The following DAGLB variants were observed in gnomAD, a reference collection of about 807,000 sequenced individuals.
DAGLB encodes diacylglycerol lipase beta.
DAGLB carries 66 observed loss-of-function variants against 72.1 expected under a neutral mutation model. That is an observed-to-expected ratio of 0.92 (90% CI 0.75 to 1.12). DAGLB has a LOEUF of 1.12. Ranked by LOEUF, DAGLB falls within the 50% of genes most tolerant of loss-of-function variation. The pLI is 0.00. For synonymous variants in DAGLB, 414 were observed against 359.5 expected (o/e 1.15, Z -1.71); for missense variants, 1,065 against 884.9 (o/e 1.20, Z -2.58).
intron 6 of DAGLB, among the ~76,000 whole-genome samples, 195 bp downstream of exon 6, chr7:6,430,285 A>ATATATATATATATATATATATATATGT: frequency 1.0e-5 from 1 of 98,422 alleles, no homozygotes; most frequent in South Asian, 5.5e-4. Flanking sequence ...ATATATATGC[A>ATATATATATATATATATATATATATGT]GGGGGGAGGG....
chr7:6,442,451 A>T (rs1018705757), intron 2 of DAGLB, among the ~76,000 whole-genome samples: 3 of 152,164 alleles, frequency 2.0e-5, no homozygotes, highest in Non-Finnish European at 4.4e-5. Flanking sequence ...GTAAGGAAAA[A>T]AAAAAGTACA....
rs955342551 is a variant in DAGLB, at chr7:6,426,535, G to C, written c.930-421C>G. 3.9e-5 allele frequency among the ~76,000 whole-genome samples: 6 copies of C among 152,232 alleles called. 1 individual carries two copies. Among genetic ancestry groups the C allele is most frequent in the African/African-American group, 1.2e-4 (5 of 41,458 alleles). ...ACTGCCCGTCTTGGCCTCCCAAAGT[G>C]CTGGGATTATAAGCGTGAGCCACTG... On this transcript the variant is annotated intron_variant, in intron 6 of 14. Coordinates refer to ENST00000297056, the MANE Select transcript of DAGLB (RefSeq NM_139179.4).
In DAGLB at chr7:6,447,777, C is replaced by A. The variant is rs1785059107; in HGVS notation, c.66G>T (p.Gly22=). 6.2e-7 allele frequency: 1 copy of A among 1,613,676 alleles called. No homozygotes were observed. Among genetic ancestry groups the A allele is most frequent in the Non-Finnish European group, 8.5e-7 (1 of 1,179,906 alleles). ...AIASDDLVFP[G]FFELVVRVLW... ...GCACTCGCACGACCAGCTCGAAGAACCCTGGGAAGACCAAGTCGTCGCTGG... is the reference window on the plus strand; with the variant it reads ...GCACTCGCACGACCAGCTCGAAGAAACCTGGGAAGACCAAGTCGTCGCTGG... Residue 22 remains glycine, a synonymous_variant, in exon 1 of 15, where the codon GGG becomes GGT. Coordinates refer to ENST00000297056, the MANE Select transcript of DAGLB (RefSeq NM_139179.4).
intron 2 of DAGLB, 35 bp from the exon 3 acceptor site, chr7:6,436,568 CT>C: frequency 6.2e-7 from 1 of 1,613,344 alleles, no homozygotes; most frequent in Non-Finnish European, 8.5e-7. Context: ...TGCTCAGTTG[CT>C]TCCTCAGAGA....
At chr7:6,412,688 G>T in intron 13 of DAGLB, 123 bp downstream of exon 13, 1 of 1,112,820 alleles carries the variant, frequency 9.0e-7, no homozygotes, top group South Asian at 1.4e-5. Flanking sequence ...GATGGTGGAA[G>T]GAGAACTTCC....
At chr7:6,435,673 A>G (rs879540610) in intron 3 of DAGLB, among the ~76,000 whole-genome samples, 1 of 152,098 alleles carries the variant, frequency 6.6e-6, no homozygotes, top group Non-Finnish European at 1.5e-5. Context: ...TCGGTGCCTC[A>G]GGGCTCTTCT....
intron 1 of DAGLB, among the ~76,000 whole-genome samples, chr7:6,446,702 A>T (rs984311700): frequency 6.6e-6 from 1 of 151,616 alleles, no homozygotes; most frequent in Admixed American, 6.6e-5. Context: ...GGCCTGGAAT[A>T]TAATTGCCAA....
At position 6,416,877 on chromosome 7, in the gene DAGLB, G is replaced by A. The variant is rs1328291626; in HGVS notation, c.1263C>T (p.Asn421=). The change falls in exon 10 of 15, where the codon AAC becomes AAT. Residue 421 remains asparagine, a synonymous_variant. Transcript: ENST00000297056. ...AARYVYQRLI[N]DGILSQAFSI... ...TGAAGGCTTGGCTCAAAATCCCGTC[G>A]TTGATGAGTCGTTGGTAAACGTATC... 18 of 1,614,098 alleles carry A rather than the reference G, an allele frequency of 1.1e-5. No homozygotes were observed. The highest frequency in any genetic ancestry group is 3.3e-5 in the Admixed American group (2 of 60,004).
chr7:6,439,884 T>C (rs530661893), intron 2 of DAGLB, among the ~76,000 whole-genome samples: 1 of 151,584 alleles, frequency 6.6e-6, no homozygotes, highest in East Asian at 1.9e-4. Flanking sequence ...AAAACCCATC[T>C]CTACTAAAAA....
At chr7:6,425,236 C>T (rs541540383) in intron 7 of DAGLB, among the ~76,000 whole-genome samples, 6 of 152,268 alleles carry the variant, frequency 3.9e-5, no homozygotes, top group East Asian at 1.9e-4. Flanking sequence ...GGAGAGACAG[C>T]GAGCGACACT....
rs556366919 is a variant in DAGLB at position 6,437,387 on chromosome 7, C to T, written c.248-854G>A. ...CCACAATGACTGGGTTAGTCATTAT[C>T]TCATTTTACGTATGAGCAAGCAAAC... On this transcript the variant is annotated intron_variant, in intron 2 of 14. Transcript: ENST00000297056. Among the ~76,000 whole-genome samples the T allele has an allele frequency of 2.6e-5, 4 of 152,242 alleles. 1 individual carries two copies. The East Asian group carries it at 7.7e-4, about 29-fold the overall frequency.
intron 11 of DAGLB, among the ~76,000 whole-genome samples, chr7:6,415,110 A>G (rs1186891820): frequency 6.6e-6 from 1 of 151,582 alleles, no homozygotes; most frequent in Non-Finnish European, 1.5e-5. Context: ...ACAGCAAGCC[A>G]TGACTGTGCT....
intron 9 of DAGLB, chr7:6,417,255 ACT>A (rs1583283314): frequency 5.9e-6 from 1 of 168,964 alleles, no homozygotes; most frequent in East Asian, 1.8e-4. Flanking sequence ...CTGGATCCTG[ACT>A]CTACTAAAAA....
intron 3 of DAGLB, among the ~76,000 whole-genome samples, chr7:6,435,656 T>C (rs1032858593): frequency 2.6e-5 from 4 of 152,156 alleles, no homozygotes; most frequent in African/African-American, 9.6e-5. Context: ...ACATACGCCC[T>C]TCCCCTTCGG....
chr7:6,432,884 T>G lies in DAGLB; in HGVS notation c.754A>C (p.Asn252His). Residue 252 changes from asparagine (N) to histidine (H), a missense_variant, in exon 5 of 15, where the codon AAC becomes CAC. Asn to His is a moderately conservative substitution (Grantham distance 68, BLOSUM62 1). Transcript: ENST00000297056. ...LHQQQDNIRN[N>H]QEPAQVVCHA... is the part of the protein sequence containing the mutation. ...CAGACCACCTGGGCAGGCTCTTGGT[T>G]GTTCCTGATATTGTCCTGTTGCTGA... 1 of 1,613,940 alleles carries G rather than the reference T, an allele frequency of 6.2e-7. No homozygotes were observed. Among genetic ancestry groups the G allele is most frequent in the African/African-American group, 1.3e-5 (1 of 75,046 alleles).
chr7:6,438,503 A>C (rs1221721354), intron 2 of DAGLB, among the ~76,000 whole-genome samples: 6 of 152,028 alleles, frequency 3.9e-5, no homozygotes, highest in Non-Finnish European at 8.8e-5. Context: ...AAAAAAAAAA[A>C]CACAGTCCTA....
rs186459055 is a variant in DAGLB, at chr7:6,431,680, G to A, written c.802-1073C>T. Among the ~76,000 whole-genome samples, 34 of 152,308 alleles carry A rather than the reference G, an allele frequency of 2.2e-4. No individual in the cohort carries two copies. The East Asian group carries it at 6.2e-3, about 28-fold the overall frequency. On this transcript the variant is annotated intron_variant, in intron 5 of 14. Coordinates refer to ENST00000297056, the MANE Select transcript of DAGLB (RefSeq NM_139179.4). ...CCAGCTACTGTGGAGGCTGAGGCAG[G>A]AGAATTGCTTGAAGTCAGGAGACAG... is the stretch of plus-strand genomic sequence containing the variant.
Position 6,412,879 on chromosome 7 carries a change from T to C in DAGLB, c.1501A>G (p.Ser501Gly), listed in dbSNP as rs1395726145. 6.2e-7 allele frequency: 1 copy of C among 1,609,520 alleles called. No individual in the cohort carries two copies. Among genetic ancestry groups the C allele is most frequent in the Admixed American group, 1.7e-5 (1 of 59,292 alleles). ...VLGKDVIPRL[S>G]VTNLEDLKRR... Reference sequence around the variant, plus strand: ...TTCAGATCTTCCAAGTTGGTCACACTGAGCCTGTTTAGCAAAGGGGCACAC... The same window carrying C: ...TTCAGATCTTCCAAGTTGGTCACACCGAGCCTGTTTAGCAAAGGGGCACAC... The change falls in exon 13 of 15, where the codon AGT becomes GGT. Residue 501 changes from serine (S) to glycine (G), a missense_variant. Ser to Gly is a moderately conservative substitution (Grantham distance 56, BLOSUM62 0). Transcript: ENST00000297056.
intron 2 of DAGLB, 52 bp downstream of exon 2, chr7:6,445,901 C>T: frequency 6.6e-7 from 1 of 1,509,156 alleles, no homozygotes; most frequent in Non-Finnish European, 8.9e-7. Flanking sequence ...TGAATTATAT[C>T]TCAATAAAGC....
Sources: allele counts gnomAD v4.1 joint callset (sites outside exome capture counted in the v4.1 genomes callset), GRCh38; gene constraint gnomAD v4.1.1; transcripts MANE v1.5; gene names NCBI Gene and HGNC (gene_info 2026-07-23, HGNC 2026-07-21).